MRTFA: variants seen among roughly 807,000 people sequenced by gnomAD.
MRTFA encodes the protein myocardin related transcription factor A, also known as myocardin-related transcription factor A.
A neutral mutation model predicts 83.5 loss-of-function variants in MRTFA; 20 were observed. The ratio of observed to expected loss-of-function variants is 0.24; its 90% CI spans 0.17 to 0.35. MRTFA has a LOEUF of 0.35. Among genes scored for constraint, MRTFA ranks in the 10% least tolerant of loss-of-function variants. The pLI is 1.00. For synonymous variants in MRTFA, 659 were observed against 541.2 expected (o/e 1.22, Z -3.02); for missense variants, 1,200 against 1,224.7 (o/e 0.98, Z 0.30).
intron 3 of MRTFA, among the ~76,000 whole-genome samples, chr22:40,472,469 T>C (rs1169883732): frequency 3.3e-5 from 5 of 152,238 alleles, no homozygotes; most frequent in Non-Finnish European, 7.3e-5. Flanking sequence ...TTTTGAACAA[T>C]GATTCAGTTT....
chr22:40,521,490 G>GAATTAATTAATT (rs201908641), intron 3 of MRTFA, among the ~76,000 whole-genome samples: 3 of 151,706 alleles, frequency 2.0e-5, no homozygotes, highest in African/African-American at 7.3e-5. Flanking sequence ...CCCACAGCCT[G>GAATTAATTAATT]AATTAATTAA....
intron 2 of MRTFA, chr22:40,587,309 A>T (rs2056045645): frequency 2.1e-6 from 1 of 470,342 alleles, no homozygotes. Flanking sequence ...CAAAATGTTC[A>T]GTTTGCTTAC....
intron 3 of MRTFA, among the ~76,000 whole-genome samples, chr22:40,517,798 T>C (rs1032435044): frequency 2.6e-5 from 4 of 152,136 alleles, no homozygotes. Context: ...AAAGCCCTTA[T>C]GGATGAGGGC....
At chr22:40,620,423 C>CTTTTTTTTTTTTTT (rs747409456) in intron 1 of MRTFA, among the ~76,000 whole-genome samples, 9 of 94,198 alleles carry the variant, frequency 9.6e-5, no homozygotes, top group Non-Finnish European at 1.2e-4. Flanking sequence ...AACATGCAGT[C>CTTTTTTTTTTTTTT]TTTTTTTTTT....
At chr22:40,413,635 G>T (rs1020989612) in intron 14 of MRTFA, among the ~76,000 whole-genome samples, 1 of 151,382 alleles carries the variant, frequency 6.6e-6, no homozygotes, top group African/African-American at 2.4e-5. Flanking sequence ...AGTAAAGACG[G>T]GGTTTCACCA....
chr22:40,537,736 A>C (rs1602401977), intron 3 of MRTFA, among the ~76,000 whole-genome samples: 1 of 18,640 alleles, frequency 5.4e-5, no homozygotes, highest in Non-Finnish European at 9.3e-5. Context: ...CAGCCCCCCC[A>C]CCCGGCCAGT....
chr22:40,533,402 G>C (rs889296974), intron 3 of MRTFA, among the ~76,000 whole-genome samples: 2 of 152,068 alleles, frequency 1.3e-5, no homozygotes, highest in Non-Finnish European at 2.9e-5. Context: ...ATTCAAAGCT[G>C]TCAGAATAAC....
At chr22:40,452,431 C>T (rs1371165151) in intron 4 of MRTFA, among the ~76,000 whole-genome samples, 2 of 152,148 alleles carry the variant, frequency 1.3e-5, no homozygotes, top group Admixed American at 1.3e-4. Flanking sequence ...AAGAAGTTAG[C>T]CTTGGATATC....
intron 3 of MRTFA, among the ~76,000 whole-genome samples, chr22:40,495,609 A>C (rs1474462772): frequency 1.3e-5 from 2 of 148,358 alleles, no homozygotes; most frequent in Admixed American, 1.4e-4. Flanking sequence ...AAATATAAAA[A>C]TTAGCCAAGT....
At chr22:40,455,945 A>C (rs2053579716) in intron 4 of MRTFA, among the ~76,000 whole-genome samples, 1 of 152,076 alleles carries the variant, frequency 6.6e-6, no homozygotes. Flanking sequence ...CAGCCTCCCA[A>C]GTAGCTGGGA....
intron 3 of MRTFA, among the ~76,000 whole-genome samples, chr22:40,541,802 G>A (rs1206002964): frequency 6.6e-6 from 1 of 151,834 alleles, no homozygotes; most frequent in Non-Finnish European, 1.5e-5. Flanking sequence ...AAGTAGCTGG[G>A]ATTACAGGTG....
At chr22:40,516,828 C>T (rs1239097505) in intron 3 of MRTFA, among the ~76,000 whole-genome samples, 2 of 152,016 alleles carry the variant, frequency 1.3e-5, no homozygotes, top group African/African-American at 2.4e-5. Context: ...TAGGGCTCAT[C>T]GTACAAGAGC....
chr22:40,510,819 C>T (rs1315062206), intron 3 of MRTFA, among the ~76,000 whole-genome samples: 1 of 152,036 alleles, frequency 6.6e-6, no homozygotes, highest in Admixed American at 6.6e-5. Context: ...GAAGAGACAG[C>T]CCTTGAAGTG....
intron 3 of MRTFA, among the ~76,000 whole-genome samples, chr22:40,543,892 C>T (rs1297390609): frequency 6.6e-6 from 1 of 152,040 alleles, no homozygotes; most frequent in Non-Finnish European, 1.5e-5. Flanking sequence ...AACTCTTGAA[C>T]AAGAACAAGG....
intron 2 of MRTFA, among the ~76,000 whole-genome samples, chr22:40,555,927 C>T (rs778535297): frequency 1.3e-5 from 2 of 152,052 alleles, no homozygotes. Context: ...GCGTGAGCCA[C>T]CATGCCCAGC....
At chr22:40,428,000 C>T (rs2147087555) in intron 7 of MRTFA, among the ~76,000 whole-genome samples, 1 of 152,224 alleles carries the variant, frequency 6.6e-6, no homozygotes, top group East Asian at 1.9e-4. Context: ...GTTCCAATAC[C>T]ACCATTCCCC....
chr22:40,430,216 G>A (rs559279775), intron 6 of MRTFA, among the ~76,000 whole-genome samples: 7 of 152,176 alleles, frequency 4.6e-5, no homozygotes, highest in Non-Finnish European at 1.0e-4. Flanking sequence ...GGCTGGGCGT[G>A]GTGGCTCACG....
chr22:40,452,024 C>T lies in MRTFA; in HGVS notation c.307+11197G>A, dbSNP rs866183879. Among the ~76,000 whole-genome samples the T allele has an allele frequency of 9.5e-4, 132 of 139,458 alleles. 1 individual carries two copies. In the Middle Eastern group the frequency reaches 0.029, roughly 30 times the overall value. The allele number at this position is 139,458 out of a possible 152,430, so 91.5% of individuals were successfully genotyped here. A position where few individuals can be genotyped will look rare whatever the true frequency, so the allele number is the denominator to read the frequency against. ...TTTGAGACAGAGTCTCACCCTGTAG[C>T]CAAGGCTGGAGTGCAGTGGTGTGAT... On this transcript the variant is annotated intron_variant, in intron 4 of 14. Transcript: ENST00000355630.
At chr22:40,565,809 A>C (rs977997251) in intron 2 of MRTFA, among the ~76,000 whole-genome samples, 5 of 152,250 alleles carry the variant, frequency 3.3e-5, no homozygotes, top group Admixed American at 1.3e-4. Flanking sequence ...AAGAGGTCTC[A>C]TTGAGGAAGT....
Sources: allele counts gnomAD v4.1 joint callset (sites outside exome capture counted in the v4.1 genomes callset), GRCh38; gene constraint gnomAD v4.1.1; transcripts MANE v1.5; gene names NCBI Gene and HGNC (gene_info 2026-07-23, HGNC 2026-07-21).